Variants in ACSM1 observed in about 807,000 individuals in gnomAD.
ACSM1 encodes acyl-CoA synthetase medium chain family member 1, also known as acyl-coenzyme A synthetase ACSM1, mitochondrial.
A neutral mutation model predicts 75.8 loss-of-function variants in ACSM1; 79 were observed. That is an observed-to-expected ratio of 1.04 (90% CI 0.87 to 1.26). ACSM1 has a LOEUF of 1.26. Among genes scored for constraint, ACSM1 ranks in the 50% most tolerant of loss-of-function variants. The pLI is 0.00. For synonymous variants in ACSM1, 279 were observed against 265.8 expected (o/e 1.05, Z -0.48); for missense variants, 676 against 720.1 (o/e 0.94, Z 0.70).
Position 20,669,932 on chromosome 16 carries a change from T to G in ACSM1, c.807A>C (p.Ser269=), listed in dbSNP as rs766321333. The change falls in exon 6 of 14, where the codon TCA becomes TCC. Residue 269 remains serine (S), a synonymous_variant. Transcript: ENST00000520010. ...TCCAAATGGTAGCCACAATCCATCC[T>G]GAGTCCGACAGGCACCAGGAGACAT... ...TSDVSWCLSD[S]GWIVATIWTL... 1.2e-6 allele frequency: 2 copies of G among 1,613,862 alleles called. No individual in the cohort carries two copies. Among genetic ancestry groups the G allele is most frequent in the South Asian group, 2.2e-5 (2 of 91,084 alleles).
Position 20,624,188 on chromosome 16 carries a change from G to C in ACSM1, c.1555C>G (p.Pro519Ala), listed in dbSNP as rs144174326. ...EVVKAFIVLTPQFLSHDKDQL... is the reference protein window; with the variant it reads ...EVVKAFIVLTAQFLSHDKDQL... ...TCCTTGTCATGGGACAGGAACTGTG[G>C]GGTCAGGACAATAAAGGCCTTCACC... The change falls in exon 13 of 14, where the codon CCA (proline) becomes GCA (alanine). Residue 519 changes from proline to alanine, a missense_variant. Physicochemically the swap from Pro to Ala is conservative, Grantham distance 27 (BLOSUM62 -1). Transcript: ENST00000520010. 1 of 1,612,510 alleles carries C rather than the reference G, an allele frequency of 6.2e-7. No homozygotes were observed. The highest frequency in any genetic ancestry group is 8.5e-7 in the Non-Finnish European group (1 of 1,178,936).
chr16:20,629,016 G>C (rs2017178134), intron 10 of ACSM1, among the ~76,000 whole-genome samples: 1 of 152,144 alleles, frequency 6.6e-6, no homozygotes, highest in Non-Finnish European at 1.5e-5. Context: ...ATTCACTTCT[G>C]ATTGTTCTGA....
intron 7 of ACSM1, among the ~76,000 whole-genome samples, chr16:20,645,246 A>C (rs531242010): frequency 9.8e-5 from 15 of 152,346 alleles, no homozygotes; most frequent in Admixed American, 5.2e-4. Context: ...GCAGAGGTCC[A>C]TGGGTGGTTA....
chr16:20,624,033 C>T (rs1022541593), intron 13 of ACSM1, 63 bp downstream of exon 13: 4 of 1,593,442 alleles, frequency 2.5e-6, no homozygotes, highest in Admixed American at 3.4e-5. Flanking sequence ...CCAGTGATAC[C>T]TAGCCCGTCC....
intron 7 of ACSM1, among the ~76,000 whole-genome samples, chr16:20,656,959 T>C (rs980030607): frequency 6.6e-6 from 1 of 151,762 alleles, no homozygotes; most frequent in African/African-American, 2.4e-5. Context: ...TAAACTATTA[T>C]GTGTCACTTT....
chr16:20,676,877 A>C (rs907829838), intron 4 of ACSM1, among the ~76,000 whole-genome samples: 1 of 151,982 alleles, frequency 6.6e-6, no homozygotes, highest in Non-Finnish European at 1.5e-5. Context: ...ATAAAAAAAA[A>C]CCCTCCAGCC....
intron 7 of ACSM1, among the ~76,000 whole-genome samples, chr16:20,649,792 C>G (rs2018549112): frequency 1.3e-5 from 2 of 152,164 alleles, no homozygotes; most frequent in Non-Finnish European, 2.9e-5. Flanking sequence ...TGTCTCATGC[C>G]TCCCTCAAAT....
At chr16:20,650,702 TAAG>T (rs1301618148) in intron 7 of ACSM1, among the ~76,000 whole-genome samples, 2 of 151,032 alleles carry the variant, frequency 1.3e-5, no homozygotes, top group Admixed American at 6.6e-5. Context: ...AATCTAAGAA[TAAG>T]GAGTAAACAA....
At chr16:20,670,418 G>A (rs187774507) in intron 5 of ACSM1, among the ~76,000 whole-genome samples, 1 of 152,260 alleles carries the variant, frequency 6.6e-6, no homozygotes, top group Non-Finnish European at 1.5e-5. Context: ...CTTGCACCTG[G>A]ATTAGACTAG....
intron 6 of ACSM1, among the ~76,000 whole-genome samples, chr16:20,665,280 T>C (rs758400336): frequency 6.6e-6 from 1 of 151,506 alleles, no homozygotes; most frequent in African/African-American, 2.4e-5. Flanking sequence ...AATGAGAAGA[T>C]CAAAATAAGC....
At chr16:20,694,378 T>C (rs2152343712) in intron 1 of ACSM1, among the ~76,000 whole-genome samples, 1 of 152,272 alleles carries the variant, frequency 6.6e-6, no homozygotes, top group African/African-American at 2.4e-5. Context: ...GTAAATTAAA[T>C]TTACATTCAA....
intron 4 of ACSM1, chr16:20,680,001 AAG>A (rs2079406044): frequency 6.6e-6 from 1 of 152,216 alleles, no homozygotes; most frequent in Admixed American, 6.5e-5. Context: ...GGTGTAACAC[AAG>A]AGAGGCTTAG....
At chr16:20,687,401 G>A (rs2079572982) in intron 2 of ACSM1, among the ~76,000 whole-genome samples, 1 of 152,126 alleles carries the variant, frequency 6.6e-6, no homozygotes, top group African/African-American at 2.4e-5. Context: ...TGCACACACA[G>A]AGGCCAAGGA....
Position 20,687,198 on chromosome 16 carries a change from A to G in ACSM1, c.193-1795T>C, listed in dbSNP as rs1412585137. ...ATAGAAACCATGGCATAATTTGAAT[A>G]TGATGTTGGGGGTCTCTGAAAGCAG... On this transcript the variant is annotated intron_variant, in intron 2 of 13. Coordinates refer to ENST00000520010, the MANE Select transcript of ACSM1 (RefSeq NM_001318890.3). Among the ~76,000 whole-genome samples, 3 of 152,056 alleles carry G rather than the reference A, an allele frequency of 2.0e-5. No individual in the cohort carries two copies. The East Asian group carries it at 5.8e-4, about 29-fold the overall frequency.
rs568532255 is a variant in ACSM1 at position 20,685,481 on chromosome 16, G to GTCAC, written c.193-82_193-79dup. The GTCAC allele has an allele frequency of 8.7e-4, 1,156 of 1,336,088 alleles. 8 individuals are homozygous for GTCAC. In the African/African-American group the frequency reaches 0.014, roughly 17 times the overall value. 82.8% of individuals were successfully genotyped at this position (1,336,088 alleles called of 1,614,324 possible). On this transcript the variant is annotated intron_variant, in intron 2 of 13. Transcript: ENST00000520010. ...CTTAGTAAACTAATCCACAGCCATA[G>GTCAC]TCACGTTCCAATGTGAACACAGCTT...
chr16:20,637,587 A>G (rs1596810149), intron 8 of ACSM1, 136 bp from the exon 9 acceptor site: 1 of 784,100 alleles, frequency 1.3e-6, no homozygotes, highest in East Asian at 2.6e-5. Flanking sequence ...GAGCCCTCGT[A>G]GGGAAGCTGG....
In ACSM1 at chr16:20,637,464, GA is replaced by G. The variant is rs2017793781; in HGVS notation, c.1117-14del. 1.2e-6 allele frequency: 2 copies of G among 1,612,558 alleles called. No individual in the cohort carries two copies. ...CACAAATTAGTCCCTGTTCACAAAA[GA>G]AAGAAGATTTGGGTTGATCAGAGAG... On this transcript the variant is annotated splice_polypyrimidine_tract_variant and intron_variant, in intron 8 of 13. Transcript: ENST00000520010.
intron 6 of ACSM1, among the ~76,000 whole-genome samples, chr16:20,667,752 G>A (rs2019651031): frequency 6.6e-6 from 1 of 152,138 alleles, no homozygotes; most frequent in Non-Finnish European, 1.5e-5. Flanking sequence ...ATTGACCTAG[G>A]TGCCCATCAA....
At chr16:20,645,014 A>C (rs2018281199) in intron 7 of ACSM1, among the ~76,000 whole-genome samples, 2 of 152,144 alleles carry the variant, frequency 1.3e-5, no homozygotes, top group African/African-American at 4.8e-5. Flanking sequence ...GCATAAGAAC[A>C]GTTGTTTATG....
Sources: gnomAD v4.1 joint callset for allele counts (sites outside exome capture counted in the v4.1 genomes callset) on GRCh38, gnomAD v4.1.1 for gene constraint, MANE v1.5 for transcripts, NCBI Gene and HGNC (gene_info 2026-07-23, HGNC 2026-07-21) for gene names.